Variants in RSPH14 observed in about 807,000 individuals in gnomAD.
RSPH14 encodes the protein radial spoke head 14 homolog.
A neutral mutation model predicts 26.7 loss-of-function variants in RSPH14; 20 were observed. The observed-to-expected ratio is 0.75, with a 90% CI of 0.53 to 1.09. RSPH14 has a LOEUF of 1.09. Ranked by LOEUF, RSPH14 falls within the 50% of genes least tolerant of loss-of-function variation. RSPH14 has a pLI of 0.00. For synonymous variants in RSPH14, 177 were observed against 189.3 expected (o/e 0.93, Z 0.53); for missense variants, 449 against 457.2 (o/e 0.98, Z 0.16).
chr22:23,133,633 G>A lies in RSPH14; in HGVS notation c.421+393C>T, dbSNP rs145094092. Among the ~76,000 whole-genome samples, 201 of 151,758 alleles carry A rather than the reference G, an allele frequency of 1.3e-3. 3 individuals are homozygous for A. The highest frequency in any genetic ancestry group is 4.7e-3 in the African/African-American group (193 of 41,332). Reference sequence around the variant, plus strand: ...AAGACAGAGTCTCGCACTGTCGCCCGGGCTAGAGTGCAGTGGTGCAATCTT... The same window carrying A: ...AAGACAGAGTCTCGCACTGTCGCCCAGGCTAGAGTGCAGTGGTGCAATCTT... On this transcript the variant is annotated intron_variant, in intron 4 of 6. Coordinates refer to ENST00000216036, the MANE Select transcript of RSPH14 (RefSeq NM_014433.3).
At chr22:23,124,979 T>C (rs1328772041) in intron 4 of RSPH14, 1 of 152,238 alleles carries the variant, frequency 6.6e-6, no homozygotes, top group Non-Finnish European at 1.5e-5. Context: ...AAGCTGGGGA[T>C]TGGATGAAAG....
chr22:23,168,262 T>C, the RSPH14 span, among the ~76,000 whole-genome samples: 1 of 152,072 alleles, frequency 6.6e-6, no homozygotes. Context: ...GGGAGGCAGC[T>C]CCCTCCAGCT....
rs544918165 is a variant in RSPH14, at chr22:23,140,445, C to T, written c.-25G>A. 6.2e-7 allele frequency: 1 copy of T among 1,612,010 alleles called. No homozygotes were observed. The highest frequency in any genetic ancestry group is 8.5e-7 in the Non-Finnish European group (1 of 1,179,074). On this transcript the variant is annotated 5_prime_UTR_variant, in exon 2 of 7. Coordinates refer to ENST00000216036, the MANE Select transcript of RSPH14 (RefSeq NM_014433.3). ...TCTTTCCCCAACTACAGAGGCCTTT[C>T]CAAATGAAGCTCTGCAGAAACCACT...
intron 3 of RSPH14, chr22:23,136,393 C>T (rs2070485267): frequency 1.6e-6 from 1 of 631,218 alleles, no homozygotes; most frequent in African/African-American, 1.9e-5. Context: ...TTGATGGGCT[C>T]TGAAAGCTAT....
rs754692462 is a variant in RSPH14, at chr22:23,140,230, A to G, written c.191T>C (p.Met64Thr). ...TGCTGTGTCACGCTCACCTATGTTC[A>G]TGGCCTTGTAGATACACTCGGGGTC... ...MHDPECIYKA[M>T]NIGCMENLKA... The change falls in exon 2 of 7, where the codon ATG (methionine) becomes ACG (threonine). Residue 64 changes from methionine (M) to threonine (T), a missense_variant. By Grantham distance (81) the Met-to-Thr change is moderately conservative (BLOSUM62 -1). Coordinates refer to ENST00000216036, the MANE Select transcript of RSPH14 (RefSeq NM_014433.3). 1 of 1,613,852 alleles carries G rather than the reference A, an allele frequency of 6.2e-7. No homozygotes were observed. Among genetic ancestry groups the G allele is most frequent in the South Asian group, 1.1e-5 (1 of 91,052 alleles).
chr22:23,167,811 C>T, the RSPH14 span, among the ~76,000 whole-genome samples: 34 of 152,086 alleles, frequency 2.2e-4, no homozygotes, highest in Non-Finnish European at 2.9e-4. Flanking sequence ...GCCTTCTGAA[C>T]AGCTGGGACT....
intron 4 of RSPH14, among the ~76,000 whole-genome samples, chr22:23,126,069 T>G (rs191908987): frequency 3.2e-4 from 49 of 152,362 alleles, no homozygotes; most frequent in African/African-American, 1.1e-3. Context: ...GGCTTTTGTT[T>G]CTGAAGAAAT....
intron 1 of RSPH14, 90 bp from the exon 2 acceptor site, chr22:23,140,562 G>C: frequency 7.3e-7 from 1 of 1,361,590 alleles, no homozygotes; most frequent in Non-Finnish European, 9.7e-7. Context: ...GCAGGCAAAT[G>C]GGTATTTTTA....
intron 4 of RSPH14, among the ~76,000 whole-genome samples, chr22:23,133,628 C>T (rs577488653): frequency 1.3e-5 from 2 of 152,002 alleles, no homozygotes; most frequent in Non-Finnish European, 2.9e-5. Flanking sequence ...CTCGCACTGT[C>T]GCCCGGGCTA....
At chr22:23,161,161 C>T in the RSPH14 span, among the ~76,000 whole-genome samples, 1 of 152,198 alleles carries the variant, frequency 6.6e-6, no homozygotes, top group Admixed American at 6.5e-5. Flanking sequence ...AGGCCTGTAG[C>T]CCCTCTGATT....
At chr22:23,152,659 T>C in the RSPH14 span, 4 of 870,940 alleles carry the variant, frequency 4.6e-6, no homozygotes, top group Non-Finnish European at 7.3e-6. Context: ...CTCAGCCTGC[T>C]GGGAGCCGGA....
At chr22:23,100,593 A>G (rs2069271434) in intron 4 of RSPH14, among the ~76,000 whole-genome samples, 1 of 152,188 alleles carries the variant, frequency 6.6e-6, no homozygotes, top group African/African-American at 2.4e-5. Context: ...TGGCTTCCTG[A>G]GGAACCCCTC....
At chr22:23,119,682 A>G (rs2069954791) in intron 4 of RSPH14, among the ~76,000 whole-genome samples, 1 of 152,350 alleles carries the variant, frequency 6.6e-6, no homozygotes, top group Non-Finnish European at 1.5e-5. Flanking sequence ...AGCCTGCGTC[A>G]GGGACGCTGG....
chr22:23,167,660 C>T, the RSPH14 span, among the ~76,000 whole-genome samples: 187 of 152,248 alleles, frequency 1.2e-3, no homozygotes, highest in African/African-American at 4.4e-3. Context: ...GACAGAGGAT[C>T]GGTTAAATTG....
intron 4 of RSPH14, among the ~76,000 whole-genome samples, chr22:23,104,689 G>C (rs946639562): frequency 6.6e-6 from 1 of 152,088 alleles, no homozygotes. Context: ...GCTGACTTGG[G>C]GATCCCTAGT....
chr22:23,072,571 T>C lies in RSPH14; in HGVS notation c.422-8438A>G, dbSNP rs377113620. Among the ~76,000 whole-genome samples the C allele has an allele frequency of 1.3e-4, 20 of 152,346 alleles. No individual in the cohort carries two copies. In the South Asian group the frequency reaches 3.7e-3, roughly 28 times the overall value. Reference sequence around the variant, plus strand: ...AGGGGCTGTTTGTTACTCATCTTTGTAGTGTGCCTACCCTCCCCACCCAAC... The same window carrying C: ...AGGGGCTGTTTGTTACTCATCTTTGCAGTGTGCCTACCCTCCCCACCCAAC... On this transcript the variant is annotated intron_variant, in intron 4 of 6. Coordinates refer to ENST00000216036, the MANE Select transcript of RSPH14 (RefSeq NM_014433.3).
chr22:23,065,660 C>T (rs1569154094), intron 4 of RSPH14, among the ~76,000 whole-genome samples: 1 of 150,414 alleles, frequency 6.6e-6, no homozygotes, highest in South Asian at 2.1e-4. Flanking sequence ...CTGAAACGGG[C>T]CTACCTGGCA....
chr22:23,158,128 C>G, the RSPH14 span: 1 of 1,576,716 alleles, frequency 6.3e-7, no homozygotes. Context: ...CCAGTGGACC[C>G]TGACCCCGTG....
intron 4 of RSPH14, among the ~76,000 whole-genome samples, chr22:23,087,821 C>T (rs145608091): frequency 3.9e-5 from 6 of 152,270 alleles, no homozygotes; most frequent in Non-Finnish European, 8.8e-5. Flanking sequence ...CCAGTTGATC[C>T]ATCAAGTGCA....
Sources: gnomAD v4.1 joint callset for allele counts (sites outside exome capture counted in the v4.1 genomes callset) on GRCh38, gnomAD v4.1.1 for gene constraint, MANE v1.5 for transcripts, NCBI Gene and HGNC (gene_info 2026-07-23, HGNC 2026-07-21) for gene names.